The following SERPINB5 variants were observed in gnomAD, a reference collection of about 807,000 sequenced individuals.
The protein encoded by SERPINB5 is serpin family B member 5.
A neutral mutation model predicts 32.2 loss-of-function variants in SERPINB5; 27 were observed. That is an observed-to-expected ratio of 0.84 (90% CI 0.62 to 1.16). SERPINB5 has a LOEUF of 1.16. Among genes scored for constraint, SERPINB5 ranks in the 50% most tolerant of loss-of-function variants. SERPINB5 has a pLI of 0.00. For synonymous variants in SERPINB5, 154 were observed against 157.4 expected, an observed-to-expected ratio of 0.98 and a Z score of 0.16; for missense variants, 388 against 436.3, an observed-to-expected ratio of 0.89 and a Z score of 0.99.
Position 63,484,311 on chromosome 18 carries a change from C to T in SERPINB5, c.-7-111C>T, listed in dbSNP as rs1917170800. 6.5e-6 allele frequency: 7 copies of T among 1,074,180 alleles called. 1 individual carries two copies. Among genetic ancestry groups the T allele is most frequent in the Non-Finnish European group, 9.1e-6 (7 of 770,764 alleles). 66.5% of individuals were successfully genotyped at this position (1,074,180 alleles called of 1,614,324 possible). A position where few individuals can be genotyped will look rare whatever the true frequency, so the allele number is the denominator to read the frequency against. On this transcript the variant is annotated intron_variant, in intron 1 of 6. Coordinates refer to ENST00000382771, the MANE Select transcript of SERPINB5 (RefSeq NM_002639.5). ...ATTTACAGAAAGTTCCTTGTTTCTT[C>T]TGAGATCAATTACTTTGTTTAAATA...
intron 4 of SERPINB5, among the ~76,000 whole-genome samples, chr18:63,490,987 C>T (rs909762053): frequency 1.3e-5 from 2 of 152,190 alleles, no homozygotes; most frequent in Non-Finnish European, 2.9e-5. Context: ...TTCCACTCTT[C>T]CCCCACCCCA....
intron 6 of SERPINB5, among the ~76,000 whole-genome samples, chr18:63,502,648 A>G (rs926218588): frequency 6.6e-6 from 1 of 152,222 alleles, no homozygotes; most frequent in Non-Finnish European, 1.5e-5. Flanking sequence ...TATGTGTAAA[A>G]AGCTTTCTAA....
intron 1 of SERPINB5, among the ~76,000 whole-genome samples, chr18:63,478,364 G>A (rs6567355): frequency 0.7 from 106,555 of 152,056 alleles, 37,905 homozygotes; most frequent in African/African-American, 0.82. Context: ...ATGCTTCAGA[G>A]CAAAGCAGAC....
chr18:63,489,274 C>A, intron 3 of SERPINB5, 73 bp from the exon 4 acceptor site: 1 of 837,770 alleles, frequency 1.2e-6, no homozygotes, highest in Non-Finnish European at 1.9e-6. Context: ...TTTAATAATC[C>A]TTTTGTTAGA....
At position 63,487,075 on chromosome 18, in the gene SERPINB5, C is replaced by T; in HGVS notation, c.298C>T (p.Leu100Phe). The change falls in exon 3 of 7, where the codon CTT becomes TTT. Residue 100 changes from leucine (L) to phenylalanine (F), a missense_variant. Coordinates refer to ENST00000382771, the MANE Select transcript of SERPINB5 (RefSeq NM_002639.5). ...KRLYVDKSLN[L>F]STEFISSTKR... is the part of the protein sequence containing the mutation. ...GCTCTACGTAGACAAATCTCTGAAT[C>T]TTTCTACAGTAAGTTGTTTAAAGCA... The T allele has an allele frequency of 1.2e-6, 2 of 1,613,270 alleles. No homozygotes were observed. Among genetic ancestry groups the T allele is most frequent in the Non-Finnish European group, 1.7e-6 (2 of 1,179,712 alleles).
intron 5 of SERPINB5, among the ~76,000 whole-genome samples, chr18:63,496,598 G>T (rs1909452373): frequency 1.3e-5 from 2 of 152,188 alleles, no homozygotes; most frequent in African/African-American, 4.8e-5. Context: ...GTTTAGCTCT[G>T]CTGGAGAGAG....
At position 63,503,825 on chromosome 18, in the gene SERPINB5, T is replaced by C. The variant is rs767141745; in HGVS notation, c.*103T>C. ...TTTTCTAGATACAATAAATTGCTAA[T>C]GTTGCTGGATCAGGAAGCCGCCAGT... On this transcript the variant is annotated 3_prime_UTR_variant, in exon 7 of 7. Transcript: ENST00000382771. 67 of 1,248,204 alleles carry C rather than the reference T, an allele frequency of 5.4e-5. No individual in the cohort carries two copies. The highest frequency in any genetic ancestry group is 7.0e-5 in the Non-Finnish European group (62 of 882,398). 77.3% of individuals were successfully genotyped at this position (1,248,204 alleles called of 1,614,324 possible).
chr18:63,485,345 CTTCTAA>C (rs1187851688), intron 2 of SERPINB5, among the ~76,000 whole-genome samples: 1 of 152,118 alleles, frequency 6.6e-6, no homozygotes, highest in African/African-American at 2.4e-5. Flanking sequence ...GGTGAATGTT[CTTCTAA>C]TTCTATTTCA....
Position 63,498,086 on chromosome 18 carries a change from A to G in SERPINB5, c.568-1034A>G, listed in dbSNP as rs1012363051. On this transcript the variant is annotated intron_variant, in intron 5 of 6. Transcript: ENST00000382771. The surrounding 1 kb of genome is among the most constrained non-coding windows in gnomAD (Gnocchi z 4.2). ...GCTATGTGCTAAGTTTGTTGTTGTT[A>G]TTGTTCTGTTTTGTTTTGAGATGGA... 8.5e-5 allele frequency among the ~76,000 whole-genome samples: 13 copies of G among 152,064 alleles called. No individual in the cohort carries two copies. Among genetic ancestry groups the G allele is most frequent in the Non-Finnish European group, 1.9e-4 (13 of 68,000 alleles).
chr18:63,491,317 G>T (rs538482785), intron 4 of SERPINB5, among the ~76,000 whole-genome samples: 1 of 147,658 alleles, frequency 6.8e-6, no homozygotes, highest in South Asian at 2.2e-4. Flanking sequence ...CAGGATAATC[G>T]CTTGAACCTG....
At chr18:63,500,331 A>G (rs1909545317) in intron 6 of SERPINB5, among the ~76,000 whole-genome samples, 2 of 151,348 alleles carry the variant, frequency 1.3e-5, no homozygotes, top group Admixed American at 1.3e-4. Context: ...CTGAAGTGCT[A>G]GGATTATAGG....
chr18:63,488,512 G>T (rs1441809516), intron 3 of SERPINB5, among the ~76,000 whole-genome samples: 1 of 152,054 alleles, frequency 6.6e-6, no homozygotes, highest in South Asian at 2.1e-4. Context: ...GCTTTCCATT[G>T]CTCCTGCTAG....
In SERPINB5 at chr18:63,489,364, G is replaced by A. The variant is rs141561710; in HGVS notation, c.324G>A (p.Thr108=). ...TTTTTCAGGAGTTCATCAGCTCTAC[G>A]AAGAGACCGTATGCAAAGGAATTGG... is the stretch of plus-strand genomic sequence containing the variant. ...LNLSTEFISS[T]KRPYAKELET... Residue 108 remains threonine, a synonymous_variant, in exon 4 of 7, where the codon ACG becomes ACA. Coordinates refer to ENST00000382771, the MANE Select transcript of SERPINB5 (RefSeq NM_002639.5). 6.5e-5 allele frequency: 105 copies of A among 1,607,690 alleles called. No homozygotes were observed. In the African/African-American group the frequency reaches 7.2e-4, roughly 11 times the overall value.
intron 5 of SERPINB5, among the ~76,000 whole-genome samples, chr18:63,495,318 G>A (rs1015376635): frequency 6.6e-6 from 1 of 152,072 alleles, no homozygotes; most frequent in Non-Finnish European, 1.5e-5. Context: ...TATCTGGAGT[G>A]GAAGTGGAAC....
chr18:63,486,289 C>G (rs1178872636), intron 2 of SERPINB5, among the ~76,000 whole-genome samples: 2 of 152,206 alleles, frequency 1.3e-5, no homozygotes, highest in East Asian at 3.9e-4. Context: ...GGCCATCTGA[C>G]TCTAGCCAGC....
chr18:63,489,368 A>G lies in SERPINB5; in HGVS notation c.328A>G (p.Arg110Gly). The change falls in exon 4 of 7, where the codon AGA becomes GGA. Residue 110 changes from arginine to glycine, a missense_variant. Transcript: ENST00000382771. ...LSTEFISSTKRPYAKELETVD... is the reference protein window; with the variant it reads ...LSTEFISSTKGPYAKELETVD... ...TCAGGAGTTCATCAGCTCTACGAAGAGACCGTATGCAAAGGAATTGGAAAC... is the reference window on the plus strand; with the variant it reads ...TCAGGAGTTCATCAGCTCTACGAAGGGACCGTATGCAAAGGAATTGGAAAC... The G allele has an allele frequency of 1.2e-6, 2 of 1,609,860 alleles. No individual in the cohort carries two copies. The highest frequency in any genetic ancestry group is 1.7e-6 in the Non-Finnish European group (2 of 1,177,238).
chr18:63,492,700 T>C (rs550424937), intron 4 of SERPINB5, among the ~76,000 whole-genome samples: 13 of 152,364 alleles, frequency 8.5e-5, no homozygotes, highest in African/African-American at 3.1e-4. Flanking sequence ...GAATGGTAGC[T>C]GTGCTTTCCT....
chr18:63,496,958 GA>G (rs1457794990), intron 5 of SERPINB5: 2 of 463,376 alleles, frequency 4.3e-6, no homozygotes, highest in African/African-American at 3.9e-5. Context: ...AGCAGGGAGA[GA>G]CCAAGGGCTA....
intron 1 of SERPINB5, among the ~76,000 whole-genome samples, chr18:63,477,932 C>A (rs775012364): frequency 6.6e-6 from 1 of 152,166 alleles, no homozygotes; most frequent in Non-Finnish European, 1.5e-5. Flanking sequence ...TAAGTAGCAC[C>A]GCTGAGATCA....
Sources: gnomAD v4.1 joint callset for allele counts (sites outside exome capture counted in the v4.1 genomes callset) on GRCh38, gnomAD v4.1.1 for gene constraint, Gnocchi (gnomAD v3.1) non-coding constraint, MANE v1.5 for transcripts, NCBI Gene and HGNC (gene_info 2026-07-23, HGNC 2026-07-21) for gene names.